SCIN: variants seen among roughly 807,000 people sequenced by gnomAD.
The protein encoded by SCIN is adseverin.
SCIN carries 91 observed loss-of-function variants against 91.8 expected under a neutral mutation model. That is an observed-to-expected ratio of 0.99 (90% CI 0.84 to 1.18). SCIN has a LOEUF of 1.18. Ranked by LOEUF, SCIN falls within the 50% of genes most tolerant of loss-of-function variation. SCIN has a pLI of 0.00. For missense variants in SCIN, 1,087 were observed against 863.9 expected, an observed-to-expected ratio of 1.26 and a Z score of -3.24; for synonymous variants, 367 against 312.6, an observed-to-expected ratio of 1.17 and a Z score of -1.84.
intron 1 of SCIN, among the ~76,000 whole-genome samples, chr7:12,574,255 G>T (rs1782325215): frequency 6.6e-6 from 1 of 152,108 alleles, no homozygotes; most frequent in East Asian, 1.9e-4. Context: ...CTTGGATGAA[G>T]CTCCAGGGAA....
Position 12,659,767 on chromosome 7 carries a change from C to A in SCIN, c.*7052C>A. On this transcript the variant is annotated 3_prime_UTR_variant, in exon 16 of 16. Transcript: ENST00000297029. ...GCCCTATGCAAAATAACTAGCTCCC[C>A]ACTTTACACAGAGTACACCATGTCA... The A allele has an allele frequency of 6.1e-6, 1 of 163,080 alleles. No individual in the cohort carries two copies. 10.1% of individuals were successfully genotyped at this position (163,080 alleles called of 1,614,324 possible). A position where few individuals can be genotyped will look rare whatever the true frequency, so the allele number is the denominator to read the frequency against.
rs530058877 is a variant in SCIN at position 12,636,881 on chromosome 7, A to G, written c.1410+746A>G. ...ACTATACATTGTATGTACCCCATGA[A>G]TATCTACAATTATTATTAATCAATT... On this transcript the variant is annotated intron_variant, in intron 10 of 15. Transcript: ENST00000297029. Among the ~76,000 whole-genome samples the G allele has an allele frequency of 1.2e-3, 187 of 152,220 alleles. 2 individuals are homozygous for G. The highest frequency in any genetic ancestry group is 4.2e-3 in the African/African-American group (176 of 41,542).
intron 4 of SCIN, chr7:12,611,114 G>T (rs1221982313): frequency 1.3e-5 from 2 of 151,962 alleles, no homozygotes; most frequent in Non-Finnish European, 1.5e-5. Flanking sequence ...GAACTGTTGG[G>T]GCCACCACTG....
chr7:12,602,394 C>T (rs1053169319), intron 3 of SCIN, among the ~76,000 whole-genome samples: 3 of 152,122 alleles, frequency 2.0e-5, no homozygotes, highest in East Asian at 1.9e-4. Flanking sequence ...CAGCTGTGCA[C>T]GTATTATCTT....
intron 1 of SCIN, among the ~76,000 whole-genome samples, chr7:12,577,081 G>A (rs1019910461): frequency 6.6e-6 from 1 of 152,132 alleles, no homozygotes; most frequent in African/African-American, 2.4e-5. Context: ...TGGATGTGAT[G>A]TGTATTACAA....
intron 7 of SCIN, chr7:12,626,110 G>A (rs1327400708): frequency 1.4e-5 from 6 of 426,922 alleles, no homozygotes; most frequent in Non-Finnish European, 2.1e-5. Context: ...GTAAACCACA[G>A]TAGGTTTAGC....
Position 12,570,936 on chromosome 7 carries a change from C to CAAG in SCIN, c.151_152insAGA (p.His50_Thr51insLys). 1 of 1,551,472 alleles carries CAAG rather than the reference C, an allele frequency of 6.4e-7. No individual in the cohort carries two copies. Among genetic ancestry groups the CAAG allele is most frequent in the Non-Finnish European group, 8.7e-7 (1 of 1,146,950 alleles). ...TCGGGGATGCCTACCTGGTGCTGCA[C>CAAG]ACGGCCAAGACGAGCCGAGGCTTCA... On this transcript the variant is annotated inframe_insertion, in exon 1 of 16. Coordinates refer to ENST00000297029, the MANE Select transcript of SCIN (RefSeq NM_001112706.3).
intron 1 of SCIN, among the ~76,000 whole-genome samples, chr7:12,575,791 G>C (rs538653335): frequency 1.3e-5 from 2 of 152,086 alleles, no homozygotes; most frequent in Admixed American, 1.3e-4. Context: ...TTCTTAAGCA[G>C]ACTTTATACA....
Position 12,651,698 on chromosome 7 carries a change from T to C in SCIN, c.1960-143T>C, listed in dbSNP as rs1168464846. 2 of 581,396 alleles carry C rather than the reference T, an allele frequency of 3.4e-6. No homozygotes were observed. Among genetic ancestry groups the C allele is most frequent in the Non-Finnish European group, 6.1e-6 (2 of 326,108 alleles). 36.0% of individuals were successfully genotyped at this position (581,396 alleles called of 1,614,324 possible). Reference sequence around the variant, plus strand: ...CACTGGGAAAGTGATGGTACCTCTCTGGGCCACCACCTCCACGTCCCTAAC... The same window carrying C: ...CACTGGGAAAGTGATGGTACCTCTCCGGGCCACCACCTCCACGTCCCTAAC... On this transcript the variant is annotated intron_variant, in intron 14 of 15. Transcript: ENST00000297029. The surrounding 1 kb of genome is among the most constrained non-coding windows in gnomAD (Gnocchi z 5.9).
chr7:12,644,955 C>T (rs1783930999), intron 13 of SCIN, among the ~76,000 whole-genome samples: 1 of 142,990 alleles, frequency 7.0e-6, no homozygotes, highest in African/African-American at 2.6e-5. Context: ...GCGGAGGTTG[C>T]AGTGAGCCAA....
At chr7:12,601,306 T>G (rs1782953655) in intron 3 of SCIN, among the ~76,000 whole-genome samples, 1 of 152,184 alleles carries the variant, frequency 6.6e-6, no homozygotes, top group Non-Finnish European at 1.5e-5. Flanking sequence ...AGTAAACCAT[T>G]TTTTGAGTGA....
Position 12,628,048 on chromosome 7 carries a change from T to C in SCIN, c.1198-1053T>C, listed in dbSNP as rs923537595. Among the ~76,000 whole-genome samples the C allele has an allele frequency of 3.9e-4, 59 of 151,936 alleles. 1 individual carries two copies. Among genetic ancestry groups the C allele is most frequent in the African/African-American group, 1.3e-3 (52 of 41,416 alleles). On this transcript the variant is annotated intron_variant, in intron 8 of 15. Coordinates refer to ENST00000297029, the MANE Select transcript of SCIN (RefSeq NM_001112706.3). ...GTGTGCGCGCGTGTGTGTGTGTGTG[T>C]GTGTGTGTGTGTGTGTGTTTGCTTG... is the stretch of plus-strand genomic sequence containing the variant.
intron 3 of SCIN, among the ~76,000 whole-genome samples, chr7:12,586,661 C>G (rs374070406): frequency 4.6e-4 from 70 of 152,192 alleles, no homozygotes; most frequent in African/African-American, 1.6e-3. Context: ...TTCACAATAG[C>G]AAACGTATGG....
intron 9 of SCIN, among the ~76,000 whole-genome samples, chr7:12,630,758 A>T (rs1285556505): frequency 6.6e-6 from 1 of 152,222 alleles, no homozygotes; most frequent in Non-Finnish European, 1.5e-5. Context: ...AAGTAATTTA[A>T]CTCAAAGTCA....
chr7:12,651,783 C>A lies in SCIN; in HGVS notation c.1960-58C>A. The A allele has an allele frequency of 3.6e-6, 4 of 1,096,132 alleles. No homozygotes were observed. Among genetic ancestry groups the A allele is most frequent in the Non-Finnish European group, 4.1e-6 (3 of 732,208 alleles). The allele number at this position is 1,096,132 out of a possible 1,614,324, so 67.9% of individuals were successfully genotyped here. A position where few individuals can be genotyped will look rare whatever the true frequency, so the allele number is the denominator to read the frequency against. On this transcript the variant is annotated intron_variant, in intron 14 of 15. Transcript: ENST00000297029. This position sits in a 1 kb window ranked among gnomAD's most constrained non-coding sequence, Gnocchi z 5.9. ...TGTGTGTGAAGCACTTTACATAGGG[C>A]CTAGCACTGAGTCAACATCCCAGAA...
chr7:12,622,269 G>T (rs1583305119), intron 4 of SCIN, among the ~76,000 whole-genome samples: 1 of 152,066 alleles, frequency 6.6e-6, no homozygotes, highest in Non-Finnish European at 1.5e-5. Context: ...TATGTCCCAA[G>T]AACTGTTCCA....
chr7:12,610,300 T>A (rs1783165003), intron 4 of SCIN, among the ~76,000 whole-genome samples: 3 of 152,236 alleles, frequency 2.0e-5, no homozygotes, highest in Admixed American at 1.3e-4. Context: ...GGCTGTCCTG[T>A]TAGTAAAAAC....
Position 12,625,092 on chromosome 7 carries a change from A to C in SCIN, c.842A>C (p.Glu281Ala), listed in dbSNP as rs1455437756. 1.2e-6 allele frequency: 2 copies of C among 1,607,842 alleles called. No individual in the cohort carries two copies. The highest frequency in any genetic ancestry group is 1.7e-6 in the Non-Finnish European group (2 of 1,177,108). ...PFSMAMLLSE[E>A]CFILDHGAAK... Reference sequence around the variant, plus strand: ...TCAATGGCAATGCTGCTGTCTGAAGAATGCTTTATTTTGGACCACGGGGCT... The same window carrying C: ...TCAATGGCAATGCTGCTGTCTGAAGCATGCTTTATTTTGGACCACGGGGCT... The change falls in exon 6 of 16, where the codon GAA becomes GCA. Residue 281 changes from glutamate (E) to alanine (A), a missense_variant. Transcript: ENST00000297029.
At chr7:12,586,999 T>C (rs1437392019) in intron 3 of SCIN, among the ~76,000 whole-genome samples, 2 of 152,048 alleles carry the variant, frequency 1.3e-5, no homozygotes, top group Admixed American at 6.5e-5. Context: ...AGGAATAAAT[T>C]CTGTTCTACT....
Sources: allele counts gnomAD v4.1 joint callset (sites outside exome capture counted in the v4.1 genomes callset), GRCh38; gene constraint gnomAD v4.1.1; non-coding constraint Gnocchi (gnomAD v3.1); transcripts MANE v1.5; gene names NCBI Gene and HGNC (gene_info 2026-07-23, HGNC 2026-07-21).